The following IL4I1 variants were observed in gnomAD, a reference collection of about 807,000 sequenced individuals.
IL4I1 encodes interleukin 4 induced 1.
A neutral mutation model predicts 29.7 loss-of-function variants in IL4I1; 24 were observed. The ratio of observed to expected loss-of-function variants is 0.81; its 90% CI spans 0.59 to 1.14. IL4I1 has a LOEUF of 1.14. IL4I1 is among the 50% of genes most tolerant of loss of function. The pLI is 0.00. For synonymous variants in IL4I1, 371 were observed against 352.5 expected (o/e 1.05, Z -0.59); for missense variants, 686 against 785.6 (o/e 0.87, Z 1.52).
upstream of IL4I1, chr19:49,901,869 C>T: frequency 2.0e-6 from 1 of 492,254 alleles, no homozygotes; most frequent in Non-Finnish European, 3.6e-6. Flanking sequence ...ATTATGGAAA[C>T]TTTCAAACAT....
At chr19:49,907,277 G>T (rs2075342322) in intron 2 of IL4I1, 3 of 297,438 alleles carry the variant, frequency 1.0e-5, no homozygotes, top group Non-Finnish European at 2.0e-5. Context: ...GCTTCGGGTA[G>T]CTGGGAAGGC....
At chr19:49,896,755 C>G (rs1031708095) in intron 1 of IL4I1, 80 bp downstream of exon 1, 2 of 888,234 alleles carry the variant, frequency 2.3e-6, no homozygotes, top group African/African-American at 1.8e-5. Flanking sequence ...TTCCTCATCT[C>G]CCCAGCTCCT....
chr19:49,902,597 G>A (rs2075280891), intron 3 of IL4I1, among the ~76,000 whole-genome samples: 1 of 151,958 alleles, frequency 6.6e-6, no homozygotes, highest in Non-Finnish European at 1.5e-5. Flanking sequence ...GGAGGCCGAG[G>A]TGAGCGGATC....
chr19:49,908,164 C>A, intron 2 of IL4I1: 5 of 1,571,062 alleles, frequency 3.2e-6, no homozygotes, highest in Non-Finnish European at 4.3e-6. Flanking sequence ...TTGCCACAAC[C>A]CCAAACTACA....
intron 5 of IL4I1, among the ~76,000 whole-genome samples, chr19:49,893,985 C>CA (rs996597872): frequency 0.18 from 3,480 of 19,366 alleles, 399 homozygotes; most frequent in Admixed American, 0.22. Context: ...GACTCCATCT[C>CA]AAAAAAAAAA....
chr19:49,919,603 GAA>G (rs2075715279), intron 2 of IL4I1, among the ~76,000 whole-genome samples: 1 of 152,120 alleles, frequency 6.6e-6, no homozygotes, highest in South Asian at 2.1e-4. Context: ...GCTTTCCCCT[GAA>G]GTCACCTGAC....
intron 2 of IL4I1, chr19:49,909,318 T>C: frequency 6.2e-7 from 1 of 1,613,892 alleles, no homozygotes; most frequent in Non-Finnish European, 8.5e-7. Context: ...TGGGCCGTGC[T>C]TCCACCAGTG....
chr19:49,923,375 T>C (rs1183075413), intron 2 of IL4I1, among the ~76,000 whole-genome samples: 1 of 152,210 alleles, frequency 6.6e-6, no homozygotes. Context: ...GAAAATGTAT[T>C]GATGCCTACG....
upstream of IL4I1, among the ~76,000 whole-genome samples, chr19:49,898,492 G>A (rs572026737): frequency 1.3e-5 from 2 of 152,226 alleles, no homozygotes; most frequent in East Asian, 3.9e-4. Context: ...AAAAAATAGT[G>A]ACAAAAATGT....
chr19:49,914,058 A>G (rs2075554894), intron 2 of IL4I1, among the ~76,000 whole-genome samples: 1 of 152,170 alleles, frequency 6.6e-6, no homozygotes, highest in African/African-American at 2.4e-5. Flanking sequence ...GTCCAGGTTA[A>G]CAGTGACAGG....
At position 49,890,198 on chromosome 19, in the gene IL4I1, C is replaced by T. The variant is rs1319055898; in HGVS notation, c.1176G>A (p.Ala392=). 4.5e-6 allele frequency: 7 copies of T among 1,544,962 alleles called. No individual in the cohort carries two copies. Among genetic ancestry groups the T allele is most frequent in the South Asian group, 1.2e-5 (1 of 84,404 alleles). Residue 392 remains alanine (A), a synonymous_variant, in exon 8 of 8, where the codon GCG becomes GCA. Transcript: ENST00000391826. ...MIFYPPPREG[A]LLLASYTWSD... ...ACCACGTGTACGAGGCCAGCAGCAG[C>T]GCGCCCTCGCGCGGCGGCGGGTAGA... is the stretch of plus-strand genomic sequence containing the variant.
chr19:49,901,531 TAGTG>T (rs2075271863), upstream of IL4I1: 4 of 647,678 alleles, frequency 6.2e-6, no homozygotes, highest in African/African-American at 3.8e-5. Context: ...AGGACAGAAT[TAGTG>T]AGTCCCCCAA....
intron 2 of IL4I1, among the ~76,000 whole-genome samples, chr19:49,905,918 T>C (rs1019121957): frequency 1.6e-4 from 25 of 151,810 alleles, no homozygotes; most frequent in African/African-American, 5.6e-4. Context: ...AAGGAAATAA[T>C]GACTCATGAT....
intron 2 of IL4I1, chr19:49,907,326 G>A: frequency 3.1e-6 from 1 of 321,438 alleles, no homozygotes. Flanking sequence ...GGGTGAGCCT[G>A]GGCCAGGCAA....
At chr19:49,907,218 C>A in intron 2 of IL4I1, 1 of 227,232 alleles carries the variant, frequency 4.4e-6, no homozygotes, top group East Asian at 1.5e-4. Flanking sequence ...AAGTGCCACC[C>A]AAGGTACAGG....
intron 5 of IL4I1, 49 bp from the exon 6 acceptor site, chr19:49,891,522 G>T: frequency 6.5e-7 from 1 of 1,533,506 alleles, no homozygotes; most frequent in South Asian, 1.1e-5. Flanking sequence ...GGCAGCCAGG[G>T]TGGAGGCCGG....
intron 2 of IL4I1, among the ~76,000 whole-genome samples, chr19:49,917,045 T>C (rs2075643272): frequency 6.6e-6 from 1 of 152,238 alleles, no homozygotes; most frequent in Non-Finnish European, 1.5e-5. Context: ...CGGAGCTGTC[T>C]CCGTGGGACC....
At chr19:49,919,727 A>G (rs1311006526) in intron 2 of IL4I1, among the ~76,000 whole-genome samples, 6 of 152,326 alleles carry the variant, frequency 3.9e-5, no homozygotes, top group Middle Eastern at 3.4e-3. Context: ...CGAATCAGCT[A>G]AGACAACCAT....
chr19:49,894,913 C>T (rs1488138164), intron 4 of IL4I1, among the ~76,000 whole-genome samples, 155 bp downstream of exon 4: 2 of 151,694 alleles, frequency 1.3e-5, no homozygotes, highest in South Asian at 2.1e-4. Flanking sequence ...CCAGGGCTGG[C>T]GCTGGAGGCA....
Sources: gnomAD v4.1 joint callset for allele counts (sites outside exome capture counted in the v4.1 genomes callset) on GRCh38, gnomAD v4.1.1 for gene constraint, MANE v1.5 for transcripts, NCBI Gene and HGNC (gene_info 2026-07-23, HGNC 2026-07-21) for gene names.